The following LRRK1 variants were observed in gnomAD, a reference collection of about 807,000 sequenced individuals.
LRRK1 encodes the protein leucine-rich repeat serine/threonine-protein kinase 1.
In LRRK1, 113 loss-of-function variants were observed where a neutral mutation model predicts 209.1. That is an observed-to-expected ratio of 0.54 (90% confidence interval 0.46 to 0.63). The LOEUF is 0.63. Ranked by LOEUF, LRRK1 falls within the 30% of genes least tolerant of loss-of-function variation. LRRK1 has a pLI of 0.00. For missense variants in LRRK1, 2,284 were observed against 2,632.2 expected, an observed-to-expected ratio of 0.87 and a Z score of 2.89; for synonymous variants, 1,144 against 1,099.7, an observed-to-expected ratio of 1.04 and a Z score of -0.80.
chr15:100,990,033 T>C (rs2032076298), intron 6 of LRRK1, among the ~76,000 whole-genome samples: 1 of 152,150 alleles, frequency 6.6e-6, no homozygotes, highest in Non-Finnish European at 1.5e-5. Context: ...TCTTCTGCCC[T>C]TGAAGTAAAT....
At chr15:100,920,297 C>A (rs750999662) in intron 1 of LRRK1, 1 of 152,182 alleles carries the variant, frequency 6.6e-6, no homozygotes, top group Non-Finnish European at 1.5e-5. Context: ...AACCTCTCAC[C>A]GTGTACACTA....
Position 101,027,670 on chromosome 15 carries a change from C to T in LRRK1, c.2559C>T (p.Ala853=), listed in dbSNP as rs1252094130. 8 of 1,613,096 alleles carry T rather than the reference C, an allele frequency of 5.0e-6. No individual in the cohort carries two copies. Among genetic ancestry groups the T allele is most frequent in the South Asian group, 2.2e-5 (2 of 90,800 alleles). ...IPRSYLSLQE[A]VLAEQQRRSR... ...GGAGCTACCTGAGCCTGCAGGAGGC[C>T]GTGCTGGCAGAGCAGCAGCGCCGCA... The change falls in exon 19 of 34, where the codon GCC becomes GCT. Residue 853 remains alanine (A), a synonymous_variant. Transcript: ENST00000388948. This position sits in a 1 kb window ranked among gnomAD's most constrained non-coding sequence, Gnocchi z 5.1.
In LRRK1 at chr15:101,053,445, G is replaced by A. The variant is rs762075888; in HGVS notation, c.4054+25G>A. 16 of 1,544,458 alleles carry A rather than the reference G, an allele frequency of 1.0e-5. No individual in the cohort carries two copies. In the East Asian group the frequency reaches 1.4e-4, roughly 14 times the overall value. The stretch of plus-strand genomic sequence containing the variant: ...GGTACCGCGGCGCGCCGCCCCACCC[G>A]GCCCCGGAGACCGACAGAGCCCCGG... On this transcript the variant is annotated intron_variant, in intron 26 of 33. Transcript: ENST00000388948.
intron 9 of LRRK1, among the ~76,000 whole-genome samples, chr15:101,011,639 A>G (rs1259773530): frequency 6.6e-6 from 1 of 152,160 alleles, no homozygotes; most frequent in East Asian, 1.9e-4. Flanking sequence ...GTTTTAAACC[A>G]GGAAACTCTT....
rs1263333149 is a variant in LRRK1, at chr15:101,027,317, A to T, written c.2462A>T (p.His821Leu). ...GQEGLRQLIF[H>L]VTCSMKDVGS... Reference sequence around the variant, plus strand: ...GAAGGGCTGCGACAGCTGATTTTCCACGTCACGTGCAGCATGAAGGACGTG... The same window carrying T: ...GAAGGGCTGCGACAGCTGATTTTCCTCGTCACGTGCAGCATGAAGGACGTG... The change falls in exon 18 of 34, where the codon CAC becomes CTC. Residue 821 changes from histidine (H) to leucine (L), a missense_variant. By Grantham distance (99) the His-to-Leu change is moderately conservative. Transcript: ENST00000388948. This position sits in a 1 kb window ranked among gnomAD's most constrained non-coding sequence, Gnocchi z 5.1. 10 of 1,614,014 alleles carry T rather than the reference A, an allele frequency of 6.2e-6. No homozygotes were observed. Among genetic ancestry groups the T allele is most frequent in the Non-Finnish European group, 8.5e-6 (10 of 1,180,034 alleles).
At chr15:100,950,820 C>T (rs1386647858) in intron 2 of LRRK1, among the ~76,000 whole-genome samples, 2 of 152,204 alleles carry the variant, frequency 1.3e-5, no homozygotes, top group South Asian at 4.1e-4. Context: ...TAAAAAAGAG[C>T]AGGCCGGGCG....
intron 6 of LRRK1, among the ~76,000 whole-genome samples, chr15:100,992,438 A>G (rs1434721074): frequency 6.6e-6 from 1 of 152,106 alleles, no homozygotes; most frequent in African/African-American, 2.4e-5. Context: ...CTTTTCTTCT[A>G]TATCTATACT....
intron 3 of LRRK1, among the ~76,000 whole-genome samples, chr15:100,981,200 TG>T (rs1056042960): frequency 2.2e-4 from 34 of 152,344 alleles, no homozygotes; most frequent in African/African-American, 7.9e-4. Flanking sequence ...TTCCACTGTC[TG>T]GGTCCCTCTT....
chr15:101,009,125 A>C, intron 7 of LRRK1, 62 bp downstream of exon 7: 1 of 1,290,622 alleles, frequency 7.7e-7, no homozygotes, highest in Non-Finnish European at 1.1e-6. Flanking sequence ...GTGCTCCTGC[A>C]CATGCTCCCG....
intron 2 of LRRK1, among the ~76,000 whole-genome samples, chr15:100,957,239 C>T (rs1011725081): frequency 2.0e-5 from 3 of 152,124 alleles, no homozygotes; most frequent in African/African-American, 7.2e-5. Flanking sequence ...GAATGTCCCA[C>T]GTGTGCTTGA....
chr15:101,023,529 G>A (rs1305696933), intron 15 of LRRK1, among the ~76,000 whole-genome samples: 10 of 152,108 alleles, frequency 6.6e-5, no homozygotes, highest in Admixed American at 1.3e-4. Flanking sequence ...CATAGATAAG[G>A]CCATCCTCAT....
rs957784792 is a variant in LRRK1, at chr15:101,006,385, A to G, written c.763-2452A>G. ...ACGACAATGTGATAAAAAAAAAAAA[A>G]AAAAAAAGAAAAGGCATTAAAAGGT... is the stretch of plus-strand genomic sequence containing the variant. On this transcript the variant is annotated intron_variant, in intron 6 of 33. Transcript: ENST00000388948. 7.4e-5 allele frequency among the ~76,000 whole-genome samples: 11 copies of G among 147,652 alleles called. No homozygotes were observed. In the South Asian group the frequency reaches 1.7e-3, roughly 22 times the overall value.
At chr15:100,951,537 C>G (rs1241423001) in intron 2 of LRRK1, among the ~76,000 whole-genome samples, 6 of 151,388 alleles carry the variant, frequency 4.0e-5, no homozygotes, top group African/African-American at 1.2e-4. Context: ...AGTGGAAAAA[C>G]CCAAGCTCCC....
rs965565930 is a variant in LRRK1, at chr15:101,053,348, C to T, written c.3982C>T (p.His1328Tyr). ...CGTGGCGCTCATCGGCATCAGCATC[C>T]ACCCGCTCTGCTTCGCCCTGGAGCT... The part of the protein sequence containing the change: ...CIVALIGISI[H>Y]PLCFALELAP... Residue 1328 changes from histidine to tyrosine, a missense_variant, in exon 26 of 34, where the codon CAC becomes TAC. Physicochemically the swap from His to Tyr is moderately conservative, Grantham distance 83. Transcript: ENST00000388948. The T allele has an allele frequency of 1.2e-6, 2 of 1,603,158 alleles. No homozygotes were observed. The highest frequency in any genetic ancestry group is 1.6e-4 in the Middle Eastern group (1 of 6,084).
At chr15:100,945,189 G>A (rs1302782915) in intron 2 of LRRK1, among the ~76,000 whole-genome samples, 1 of 152,228 alleles carries the variant, frequency 6.6e-6, no homozygotes, top group Non-Finnish European at 1.5e-5. Flanking sequence ...AAAGTGATGG[G>A]TCACGGGGCA....
At chr15:101,052,061 G>A in intron 24 of LRRK1, 101 bp downstream of exon 24, 1 of 1,400,670 alleles carries the variant, frequency 7.1e-7, no homozygotes, top group Non-Finnish European at 9.7e-7. Context: ...CTCTGGGGCG[G>A]GCAGGTGCCC....
At chr15:100,986,262 G>A (rs1433192681) in intron 4 of LRRK1, among the ~76,000 whole-genome samples, 1 of 152,046 alleles carries the variant, frequency 6.6e-6, no homozygotes, top group African/African-American at 2.4e-5. Context: ...AGAAGAAGAG[G>A]GATGAGAGGT....
At chr15:101,025,831 C>T (rs1049300543) in intron 16 of LRRK1, 134 bp from the exon 17 acceptor site, 53 of 872,942 alleles carry the variant, frequency 6.1e-5, no homozygotes, top group Non-Finnish European at 8.9e-5. Flanking sequence ...TCCAAACCGT[C>T]TCAAGGCTGC....
rs1303126870 is a variant in LRRK1 at position 101,073,770 on chromosome 15, T to G, written c.*4922T>G. 1 of 152,150 alleles carries G rather than the reference T, an allele frequency of 6.6e-6. No homozygotes were observed. The highest frequency in any genetic ancestry group is 1.5e-5 in the Non-Finnish European group (1 of 68,040). The allele number at this position is 152,150 out of a possible 1,614,324, so 9.4% of individuals were successfully genotyped here. The stretch of plus-strand genomic sequence containing the variant: ...TCTCTCCGTGTCTCTACTCTCCCTT[T>G]TCTTTAAACTTGCCTCCTTCACTGT... On this transcript the variant is annotated 3_prime_UTR_variant, in exon 34 of 34. Coordinates refer to ENST00000388948, the MANE Select transcript of LRRK1 (RefSeq NM_024652.6).
Sources: allele counts gnomAD v4.1 joint callset (sites outside exome capture counted in the v4.1 genomes callset), GRCh38; gene constraint gnomAD v4.1.1; non-coding constraint Gnocchi (gnomAD v3.1); transcripts MANE v1.5; gene names NCBI Gene and HGNC (gene_info 2026-07-23, HGNC 2026-07-21).